Variants in LHFPL6 observed in about 807,000 individuals in gnomAD.
LHFPL6 encodes the protein LHFPL tetraspan subfamily member 6 protein.
In LHFPL6, 9 loss-of-function variants were observed where a neutral mutation model predicts 20.6. The observed-to-expected ratio is 0.44, with a 90% CI of 0.26 to 0.76. LHFPL6 has a LOEUF of 0.76. LHFPL6 is among the 30% of genes least tolerant of loss of function. LHFPL6 has a pLI of 0.20. For synonymous variants in LHFPL6, 105 were observed against 98.7 expected, an observed-to-expected ratio of 1.06 and a Z score of -0.38; for missense variants, 218 against 253.5, an observed-to-expected ratio of 0.86 and a Z score of 0.95.
At chr13:39,559,791 A>G (rs1401367179) in intron 2 of LHFPL6, among the ~76,000 whole-genome samples, 1 of 152,232 alleles carries the variant, frequency 6.6e-6, no homozygotes, top group Non-Finnish European at 1.5e-5. Context: ...TATGTCAGGA[A>G]AATCTTCTCA....
chr13:39,477,671 C>T (rs1873118344), intron 2 of LHFPL6, among the ~76,000 whole-genome samples: 1 of 152,150 alleles, frequency 6.6e-6, no homozygotes, highest in Admixed American at 6.5e-5. Flanking sequence ...GTATCTCCTC[C>T]CTACATAAGG....
At chr13:39,598,108 C>T (rs1872822188) in intron 2 of LHFPL6, among the ~76,000 whole-genome samples, 1 of 152,230 alleles carries the variant, frequency 6.6e-6, no homozygotes, top group Non-Finnish European at 1.5e-5. Context: ...ATTTCTGAAG[C>T]ATGGCAGTCT....
At chr13:39,506,177 T>G (rs926369929) in intron 2 of LHFPL6, among the ~76,000 whole-genome samples, 13 of 152,216 alleles carry the variant, frequency 8.5e-5, no homozygotes, top group African/African-American at 2.9e-4. Context: ...CAATATGATT[T>G]CCAATATTCA....
intron 2 of LHFPL6, among the ~76,000 whole-genome samples, chr13:39,432,212 C>T (rs888564875): frequency 2.0e-5 from 3 of 152,148 alleles, no homozygotes; most frequent in Admixed American, 2.0e-4. Context: ...TTCAAAATTA[C>T]CAGTCTGTGG....
intron 2 of LHFPL6, among the ~76,000 whole-genome samples, chr13:39,558,434 T>G (rs1204585024): frequency 6.6e-6 from 1 of 152,250 alleles, no homozygotes; most frequent in Non-Finnish European, 1.5e-5. Context: ...ATAGGACATT[T>G]TGACAACACA....
At chr13:39,345,777 T>C (rs985858858) in intron 3 of LHFPL6, among the ~76,000 whole-genome samples, 11 of 152,138 alleles carry the variant, frequency 7.2e-5, no homozygotes, top group African/African-American at 2.7e-4. Context: ...GGCAAGGAAG[T>C]GTGAGATGTG....
At chr13:39,351,235 G>A (rs1452508827) in intron 3 of LHFPL6, among the ~76,000 whole-genome samples, 1 of 152,146 alleles carries the variant, frequency 6.6e-6, no homozygotes, top group African/African-American at 2.4e-5. Flanking sequence ...GTCATATATA[G>A]ACAGCAAGTG....
chr13:39,452,468 A>G (rs998764375), intron 2 of LHFPL6, among the ~76,000 whole-genome samples: 24 of 152,250 alleles, frequency 1.6e-4, no homozygotes, highest in Admixed American at 3.9e-4. Context: ...TGGTGAAAGC[A>G]AATGGAAAAC....
intron 2 of LHFPL6, among the ~76,000 whole-genome samples, chr13:39,434,402 T>A: frequency 6.6e-6 from 1 of 152,252 alleles, no homozygotes; most frequent in East Asian, 1.9e-4. Flanking sequence ...TCTGCTCTGA[T>A]GCTGTTTCTC....
At chr13:39,578,378 G>C (rs1051454056) in intron 2 of LHFPL6, among the ~76,000 whole-genome samples, 5 of 152,186 alleles carry the variant, frequency 3.3e-5, no homozygotes, top group African/African-American at 1.2e-4. Flanking sequence ...AGTAGGAACA[G>C]ATATAAGAAA....
At chr13:39,557,908 C>A (rs9576856) in intron 2 of LHFPL6, among the ~76,000 whole-genome samples, 12,236 of 152,200 alleles carry the variant, frequency 0.08, 611 homozygotes, top group East Asian at 0.23. Flanking sequence ...AGTCTTGGAG[C>A]TCCCCCTTTG....
chr13:39,409,273 G>A (rs561087071), intron 2 of LHFPL6, among the ~76,000 whole-genome samples: 3 of 152,092 alleles, frequency 2.0e-5, no homozygotes, highest in African/African-American at 7.2e-5. Context: ...GGCCAACATG[G>A]TGAAACCCCG....
At chr13:39,517,845 G>T (rs1301744646) in intron 2 of LHFPL6, among the ~76,000 whole-genome samples, 1 of 152,124 alleles carries the variant, frequency 6.6e-6, no homozygotes, top group African/African-American at 2.4e-5. Flanking sequence ...ACTATTAATT[G>T]TACTTCCCTT....
chr13:39,370,571 A>G (rs546822929), intron 3 of LHFPL6, among the ~76,000 whole-genome samples: 1 of 152,240 alleles, frequency 6.6e-6, no homozygotes, highest in South Asian at 2.1e-4. Context: ...ACTCTAAGCA[A>G]TGACCAGTGC....
chr13:39,373,032 T>A lies in LHFPL6; in HGVS notation c.484+5396A>T, dbSNP rs974944125. On this transcript the variant is annotated intron_variant, in intron 3 of 3. Transcript: ENST00000379589. ...TCAAACCCTTTACCTACCTAAAGCC[T>A]ACAAGGGCTGAGAGCTCCGCCTGTA... is the stretch of plus-strand genomic sequence containing the variant. 2.6e-5 allele frequency among the ~76,000 whole-genome samples: 4 copies of A among 152,180 alleles called. No individual in the cohort carries two copies. The South Asian group carries it at 8.3e-4, about 32-fold the overall frequency.
chr13:39,589,549 T>G (rs1872544404), intron 2 of LHFPL6, among the ~76,000 whole-genome samples: 1 of 152,158 alleles, frequency 6.6e-6, no homozygotes, highest in Non-Finnish European at 1.5e-5. Flanking sequence ...TTCCTGGACT[T>G]TTTTTTATTA....
chr13:39,476,947 A>G (rs1873098696), intron 2 of LHFPL6, among the ~76,000 whole-genome samples: 1 of 152,220 alleles, frequency 6.6e-6, no homozygotes, highest in South Asian at 2.1e-4. Flanking sequence ...GTGATTACAT[A>G]AAGCGAATGT....
At chr13:39,589,498 G>A (rs146478967) in intron 2 of LHFPL6, among the ~76,000 whole-genome samples, 163 of 152,196 alleles carry the variant, frequency 1.1e-3, no homozygotes, top group African/African-American at 3.7e-3. Context: ...TATCCAACCC[G>A]ACGAACCTCT....
intron 2 of LHFPL6, among the ~76,000 whole-genome samples, chr13:39,487,374 C>T (rs1223944522): frequency 6.6e-6 from 1 of 152,188 alleles, no homozygotes; most frequent in Admixed American, 6.5e-5. Flanking sequence ...CTTCAGCCTA[C>T]AGCTCTCCTG....
Sources: allele counts gnomAD v4.1 joint callset (sites outside exome capture counted in the v4.1 genomes callset), GRCh38; gene constraint gnomAD v4.1.1; transcripts MANE v1.5; gene names NCBI Gene and HGNC (gene_info 2026-07-23, HGNC 2026-07-21).